The following KTN1 variants were observed in gnomAD, a reference collection of about 807,000 sequenced individuals.
The protein encoded by KTN1 is kinectin.
KTN1 carries 130 observed loss-of-function variants against 222.5 expected under a neutral mutation model. That is an observed-to-expected ratio of 0.58 (90% CI 0.51 to 0.68). The LOEUF (loss-of-function observed/expected upper bound fraction) is 0.68, where lower values mean the gene tolerates loss of function less well. KTN1 is among the 30% of genes least tolerant of loss of function. The pLI, the probability that KTN1 is intolerant of heterozygous loss-of-function variation, is 0.00. For missense variants in KTN1, 1,508 were observed against 1,500.4 expected (o/e 1.01, Z -0.08); for synonymous variants, 512 against 496.3 (o/e 1.03, Z -0.42).
intron 5 of KTN1, among the ~76,000 whole-genome samples, chr14:55,622,312 T>TG (rs1334449689): frequency 5.9e-5 from 9 of 152,058 alleles, no homozygotes; most frequent in East Asian, 1.9e-4. Flanking sequence ...ACTATTGTTG[T>TG]GGGGGGGATG....
rs1300085936 is a variant in KTN1 at position 55,627,943 on chromosome 14, A to G, written c.995A>G (p.His332Arg). 4 of 1,613,176 alleles carry G rather than the reference A, an allele frequency of 2.5e-6. No individual in the cohort carries two copies. The highest frequency in any genetic ancestry group is 8.5e-7 in the Non-Finnish European group (1 of 1,179,296). Reference protein sequence around the residue: ...SSKGELTTLIHQLQEKDKLLA... With the variant: ...SSKGELTTLIRQLQEKDKLLA... Reference sequence around the variant, plus strand: ...AAGGGAGAATTGACTACGCTTATACATCAGCTTCAAGAAAAGGACAAGTTA... The same window carrying G: ...AAGGGAGAATTGACTACGCTTATACGTCAGCTTCAAGAAAAGGACAAGTTA... Residue 332 changes from histidine (H) to arginine (R), a missense_variant, in exon 6 of 44, where the codon CAT (histidine) becomes CGT (arginine). Transcript: ENST00000395314.
In KTN1 at chr14:55,630,061, T is replaced by C. The variant is rs777809250; in HGVS notation, c.1185T>C (p.His395=). 1.2e-6 allele frequency: 2 copies of C among 1,609,826 alleles called. No individual in the cohort carries two copies. The highest frequency in any genetic ancestry group is 1.7e-4 in the Middle Eastern group (1 of 6,048). The change falls in exon 7 of 44, where the codon CAT becomes CAC. Residue 395 remains histidine (H), a synonymous_variant. Transcript: ENST00000395314. The stretch of plus-strand genomic sequence containing the variant: ...ATAATGTATTTCAAAACAAAATACA[T>C]GTCAGTTATCAAGAGACTCAACAGA... ...KEHNVFQNKI[H]VSYQETQQMQ... is the part of the protein sequence containing the mutation.
chr14:55,580,845 C>G (rs80109408), intron 1 of KTN1, among the ~76,000 whole-genome samples: 1,760 of 152,258 alleles, frequency 0.012, 26 homozygotes, highest in African/African-American at 0.04. Context: ...GCCACACTTA[C>G]GCCATGCTGG....
intron 43 of KTN1, chr14:55,680,215 G>T (rs1386523737): frequency 6.3e-6 from 1 of 158,710 alleles, no homozygotes; most frequent in Non-Finnish European, 1.4e-5. Context: ...CCTGAAGTGA[G>T]ATTTTTACTT....
intron 1 of KTN1, among the ~76,000 whole-genome samples, chr14:55,592,522 G>A (rs960466321): frequency 6.6e-6 from 1 of 152,180 alleles, no homozygotes; most frequent in African/African-American, 2.4e-5. Flanking sequence ...TGAGTAGATG[G>A]GCTATGGGAC....
At chr14:55,671,518 A>C (rs761697872) in intron 35 of KTN1, 48 bp from the exon 36 acceptor site, 24 of 1,422,222 alleles carry the variant, frequency 1.7e-5, no homozygotes, top group Non-Finnish European at 2.3e-5. Context: ...TGAAGCATAA[A>C]ACTTTCTGGT....
intron 1 of KTN1, among the ~76,000 whole-genome samples, chr14:55,603,008 G>C (rs1594781863): frequency 6.6e-6 from 1 of 152,138 alleles, no homozygotes; most frequent in Non-Finnish European, 1.5e-5. Flanking sequence ...CTGGGTCTGT[G>C]CTTTTATATT....
intron 1 of KTN1, among the ~76,000 whole-genome samples, chr14:55,598,328 T>TGGAGGC (rs2035394037): frequency 6.7e-6 from 1 of 149,974 alleles, no homozygotes; most frequent in Admixed American, 6.7e-5. Context: ...CCAGCTACTC[T>TGGAGGC]GGAGGCAGAG....
At chr14:55,626,221 C>G (rs2039810295) in intron 5 of KTN1, among the ~76,000 whole-genome samples, 1 of 151,810 alleles carries the variant, frequency 6.6e-6, no homozygotes, top group African/African-American at 2.4e-5. Flanking sequence ...AAAAAAAAAC[C>G]CTAACACATA....
At chr14:55,647,147 TTG>T in intron 19 of KTN1, 140 bp downstream of exon 19, 2 of 618,300 alleles carry the variant, frequency 3.2e-6, no homozygotes, top group East Asian at 5.7e-5. Context: ...ACATTACCGT[TTG>T]TGGGTTTCAC....
In KTN1 at chr14:55,640,364, C is replaced by G. The variant is rs762281950; in HGVS notation, c.1915-10C>G. 1 of 1,543,740 alleles carries G rather than the reference C, an allele frequency of 6.5e-7. No homozygotes were observed. Among genetic ancestry groups the G allele is most frequent in the South Asian group, 1.2e-5 (1 of 85,358 alleles). ...TTAAGTATTTTAAATGCTATTTTTCCTTGTTCTAGGATATACAGAATATGA... is the reference window on the plus strand; with the variant it reads ...TTAAGTATTTTAAATGCTATTTTTCGTTGTTCTAGGATATACAGAATATGA... On this transcript the variant is annotated splice_polypyrimidine_tract_variant and intron_variant, in intron 14 of 43. Coordinates refer to ENST00000395314, the MANE Select transcript of KTN1 (RefSeq NM_001079521.2).
At chr14:55,662,122 G>C (rs2044217327) in intron 32 of KTN1, among the ~76,000 whole-genome samples, 1 of 150,164 alleles carries the variant, frequency 6.7e-6, no homozygotes, top group Non-Finnish European at 1.5e-5. Flanking sequence ...CCAGGCTGGA[G>C]GTGGCTTGAA....
intron 1 of KTN1, among the ~76,000 whole-genome samples, chr14:55,583,844 TG>T (rs1221402252): frequency 1.3e-5 from 2 of 152,222 alleles, no homozygotes; most frequent in Non-Finnish European, 2.9e-5. Flanking sequence ...TGATGTTTGA[TG>T]TTTCCATCAA....
At chr14:55,647,181 T>C (rs1276609485) in intron 19 of KTN1, among the ~76,000 whole-genome samples, 174 bp downstream of exon 19, 1 of 152,192 alleles carries the variant, frequency 6.6e-6, no homozygotes, top group Non-Finnish European at 1.5e-5. Context: ...ATTTTACTTG[T>C]TGAGGCTAGC....
chr14:55,650,262 CT>C, intron 22 of KTN1, 65 bp from the exon 23 acceptor site: 1 of 977,250 alleles, frequency 1.0e-6, no homozygotes, highest in East Asian at 2.5e-5. Context: ...TTATTTGGTG[CT>C]ATTTTTATAT....
Position 55,619,264 on chromosome 14 carries a change from A to G in KTN1, c.915A>G (p.Val305=). The change falls in exon 5 of 44, where the codon GTA becomes GTG. Residue 305 remains valine (V), a synonymous_variant. Coordinates refer to ENST00000395314, the MANE Select transcript of KTN1 (RefSeq NM_001079521.2). ...MFSEDEALCV[V]DLLKEKSGVI... Reference sequence around the variant, plus strand: ...CTGAAGATGAGGCTCTTTGTGTTGTAGACTTGCTAAAGGAGAAGTCTGGTG... The same window carrying G: ...CTGAAGATGAGGCTCTTTGTGTTGTGGACTTGCTAAAGGAGAAGTCTGGTG... 6.2e-7 allele frequency: 1 copy of G among 1,613,358 alleles called. No homozygotes were observed.
In KTN1 at chr14:55,659,367, G is replaced by C. The variant is rs141756950; in HGVS notation, c.2962-299G>C. ...AGTTTTATGTAGTCAAATTTGAATT[G>C]TGCAGTTTGAAAATGTAAGGTGTGC... On this transcript the variant is annotated intron_variant, in intron 30 of 43. Transcript: ENST00000395314. 1.2e-4 allele frequency among the ~76,000 whole-genome samples: 16 copies of C among 133,768 alleles called. No individual in the cohort carries two copies. The East Asian group carries it at 3.4e-3, about 28-fold the overall frequency. 87.8% of individuals were successfully genotyped at this position (133,768 alleles called of 152,430 possible).
chr14:55,616,661 T>A lies in KTN1; in HGVS notation c.661+7T>A, dbSNP rs749692833. The A allele has an allele frequency of 8.9e-6, 14 of 1,580,160 alleles. No homozygotes were observed. Among genetic ancestry groups the A allele is most frequent in the Non-Finnish European group, 9.4e-6 (11 of 1,169,020 alleles). On this transcript the variant is annotated splice_region_variant and intron_variant, in intron 3 of 43. Transcript: ENST00000395314. The stretch of plus-strand genomic sequence containing the variant: ...AAACAAAAGACAGAAAATGGTGAGA[T>A]GTTTAGATATGTATTTTTATAATGC...
chr14:55,635,254 G>C (rs373692413), intron 9 of KTN1, among the ~76,000 whole-genome samples: 87 of 152,258 alleles, frequency 5.7e-4, no homozygotes, highest in African/African-American at 2.0e-3. Context: ...TGAAGATATG[G>C]TAAATGATGT....
Sources: allele counts gnomAD v4.1 joint callset (sites outside exome capture counted in the v4.1 genomes callset), GRCh38; gene constraint gnomAD v4.1.1; transcripts MANE v1.5; gene names NCBI Gene and HGNC (gene_info 2026-07-23, HGNC 2026-07-21).